Variants in XKR4 observed in about 807,000 individuals in gnomAD.
The protein encoded by XKR4 is XK related 4.
Under a neutral mutation model 53.9 loss-of-function variants are expected in XKR4, and 12 were observed. The observed-to-expected ratio is 0.22, with a 90% confidence interval of 0.14 to 0.36. XKR4 has a LOEUF of 0.36. Among genes scored for constraint, XKR4 ranks in the 10% least tolerant of loss-of-function variants. The pLI is 1.00. For synonymous variants in XKR4, 354 were observed against 362.4 expected, an observed-to-expected ratio of 0.98 and a Z score of 0.26; for missense variants, 799 against 859.5, an observed-to-expected ratio of 0.93 and a Z score of 0.88.
chr8:55,263,600 C>G (rs1180799057), intron 1 of XKR4, among the ~76,000 whole-genome samples: 1 of 152,150 alleles, frequency 6.6e-6, no homozygotes, highest in Non-Finnish European at 1.5e-5. Context: ...TATAGCACAC[C>G]TTTTCACCCA....
At chr8:55,490,588 T>A (rs934708461) in intron 2 of XKR4, among the ~76,000 whole-genome samples, 1 of 152,108 alleles carries the variant, frequency 6.6e-6, no homozygotes, top group Non-Finnish European at 1.5e-5. Flanking sequence ...CCAGAAAACC[T>A]CACTTCTCAC....
chr8:55,444,561 T>C (rs1301460150), intron 2 of XKR4, among the ~76,000 whole-genome samples: 1 of 152,150 alleles, frequency 6.6e-6, no homozygotes, highest in Admixed American at 6.5e-5. Context: ...GAAGAGGAAA[T>C]ACAAATTACT....
At chr8:55,273,000 C>A in intron 1 of XKR4, 1 of 420,948 alleles carries the variant, frequency 2.4e-6, no homozygotes, top group South Asian at 1.8e-5. Flanking sequence ...TAGAATGCCT[C>A]AGCCTGTCTC....
intron 1 of XKR4, among the ~76,000 whole-genome samples, chr8:55,302,961 C>T (rs1248271748): frequency 6.6e-6 from 1 of 152,194 alleles, no homozygotes; most frequent in Non-Finnish European, 1.5e-5. Context: ...ATTTGACTTC[C>T]TCTTTTCCTA....
chr8:55,401,025 C>T (rs1048369889), intron 2 of XKR4, among the ~76,000 whole-genome samples: 1 of 152,228 alleles, frequency 6.6e-6, no homozygotes, highest in Non-Finnish European at 1.5e-5. Flanking sequence ...GCTGCTCATG[C>T]TGTTCCTTGT....
chr8:55,343,809 C>G (rs574488266), intron 1 of XKR4, among the ~76,000 whole-genome samples: 1 of 152,300 alleles, frequency 6.6e-6, no homozygotes, highest in African/African-American at 2.4e-5. Flanking sequence ...TGGAGAGACA[C>G]AGCTTGAATT....
chr8:55,479,797 G>A (rs894042126), intron 2 of XKR4, among the ~76,000 whole-genome samples: 2 of 152,002 alleles, frequency 1.3e-5, no homozygotes, highest in Admixed American at 6.6e-5. Flanking sequence ...TAGAAAATCT[G>A]GAAGAAATGG....
intron 2 of XKR4, among the ~76,000 whole-genome samples, chr8:55,384,682 C>T (rs552359883): frequency 2.2e-4 from 33 of 152,274 alleles, no homozygotes; most frequent in Admixed American, 2.2e-3. Context: ...CATTGACCTA[C>T]AAATTAATAA....
intron 2 of XKR4, among the ~76,000 whole-genome samples, chr8:55,421,426 T>C (rs1353769815): frequency 2.0e-5 from 3 of 152,224 alleles, no homozygotes; most frequent in African/African-American, 4.8e-5. Flanking sequence ...CAATGGGCCA[T>C]GGAGCTGACC....
Position 55,531,878 on chromosome 8 carries a change from A to G in XKR4, c.*7651A>G, listed in dbSNP as rs528480213. The stretch of plus-strand genomic sequence containing the variant: ...CTGTTTCTCTAAAGCCTTTCCTCCA[A>G]TGCCCAGAAGAGCAGCACTGTGCTG... On this transcript the variant is annotated 3_prime_UTR_variant, in exon 3 of 3. Transcript: ENST00000327381. The G allele has an allele frequency of 7.2e-5, 11 of 152,462 alleles. No homozygotes were observed. The South Asian group carries it at 1.9e-3, about 26-fold the overall frequency. 9.4% of individuals were successfully genotyped at this position (152,462 alleles called of 1,614,324 possible).
intron 1 of XKR4, among the ~76,000 whole-genome samples, chr8:55,270,883 C>A (rs561790099): frequency 6.6e-6 from 1 of 152,162 alleles, no homozygotes; most frequent in South Asian, 2.1e-4. Flanking sequence ...AAAATAGAAT[C>A]CATGCTCAGC....
intron 1 of XKR4, among the ~76,000 whole-genome samples, chr8:55,325,032 A>C (rs1035448907): frequency 6.6e-6 from 1 of 152,210 alleles, no homozygotes; most frequent in African/African-American, 2.4e-5. Flanking sequence ...TGAGTCTTCT[A>C]TTTCTTTTAC....
chr8:55,367,903 T>C (rs1169995749), intron 2 of XKR4, among the ~76,000 whole-genome samples: 2 of 152,120 alleles, frequency 1.3e-5, no homozygotes, highest in Non-Finnish European at 2.9e-5. Context: ...CTTCACCTTT[T>C]CCCACAGCCT....
chr8:55,120,303 G>C (rs947025023), intron 1 of XKR4, among the ~76,000 whole-genome samples: 4 of 152,138 alleles, frequency 2.6e-5, no homozygotes, highest in African/African-American at 9.7e-5. Flanking sequence ...TGTAGCACAT[G>C]TTTTGAGTTT....
intron 1 of XKR4, among the ~76,000 whole-genome samples, chr8:55,143,112 C>T (rs549402387): frequency 4.5e-4 from 69 of 152,184 alleles, no homozygotes; most frequent in Non-Finnish European, 9.0e-4. Context: ...CACTTATTCT[C>T]ATTGCTGTGT....
chr8:55,500,630 C>T (rs1353751309), intron 2 of XKR4, among the ~76,000 whole-genome samples: 1 of 152,204 alleles, frequency 6.6e-6, no homozygotes, highest in Non-Finnish European at 1.5e-5. Flanking sequence ...GACACCATCA[C>T]TATTCCCTCT....
At chr8:55,120,177 A>G (rs369347105) in intron 1 of XKR4, among the ~76,000 whole-genome samples, 1 of 152,096 alleles carries the variant, frequency 6.6e-6, no homozygotes, top group East Asian at 1.9e-4. Flanking sequence ...TGCTTAACCA[A>G]CCTCCTGTGC....
chr8:55,371,306 C>T (rs1363367081), intron 2 of XKR4, among the ~76,000 whole-genome samples: 1 of 151,942 alleles, frequency 6.6e-6, no homozygotes, highest in African/African-American at 2.4e-5. Context: ...GTCTGTGCAG[C>T]AATGCTGGTG....
At chr8:55,110,337 G>A (rs1585883270) in intron 1 of XKR4, among the ~76,000 whole-genome samples, 1 of 152,290 alleles carries the variant, frequency 6.6e-6, no homozygotes, top group East Asian at 1.9e-4. Context: ...TGACAGCATG[G>A]CTGGTCAGGA....
Sources: gnomAD v4.1 joint callset for allele counts (sites outside exome capture counted in the v4.1 genomes callset) on GRCh38, gnomAD v4.1.1 for gene constraint, MANE v1.5 for transcripts, NCBI Gene and HGNC (gene_info 2026-07-23, HGNC 2026-07-21) for gene names.